The following TAFA5 variants were observed in gnomAD, a reference collection of about 807,000 sequenced individuals.
The protein encoded by TAFA5 is TAFA chemokine like family member 5.
A neutral mutation model predicts 15.3 loss-of-function variants in TAFA5; 6 were observed. The observed-to-expected ratio is 0.39, with a 90% CI of 0.21 to 0.77. The LOEUF is 0.77. Among genes scored for constraint, TAFA5 ranks in the 30% least tolerant of loss-of-function variants. The pLI, the probability that TAFA5 is intolerant of heterozygous loss-of-function variation, is 0.41. For synonymous variants in TAFA5, 103 were observed against 80.7 expected, an observed-to-expected ratio of 1.28 and a Z score of -1.48; for missense variants, 161 against 193.1, an observed-to-expected ratio of 0.83 and a Z score of 0.98.
chr22:48,520,054 C>G (rs1921548848), intron 1 of TAFA5, among the ~76,000 whole-genome samples: 1 of 152,234 alleles, frequency 6.6e-6, no homozygotes, highest in Non-Finnish European at 1.5e-5. Context: ...TGAGACCACC[C>G]AGAGGAAGAC....
chr22:48,661,528 A>ATT (rs1299219902), intron 2 of TAFA5, among the ~76,000 whole-genome samples: 1 of 152,212 alleles, frequency 6.6e-6, no homozygotes, highest in Admixed American at 6.5e-5. Flanking sequence ...GTAGTCAGAC[A>ATT]TTCTGCTCAT....
At chr22:48,516,227 TTGATCA>T (rs1921401707) in intron 1 of TAFA5, among the ~76,000 whole-genome samples, 1 of 152,160 alleles carries the variant, frequency 6.6e-6, no homozygotes, top group Admixed American at 6.5e-5. Context: ...TACGTTTAAG[TTGATCA>T]GAATTAGGTG....
At chr22:48,695,723 G>T (rs1374444571) in intron 2 of TAFA5, among the ~76,000 whole-genome samples, 2 of 152,186 alleles carry the variant, frequency 1.3e-5, no homozygotes, top group Non-Finnish European at 2.9e-5. Context: ...ACCTGGCCAG[G>T]GTGTGGGCAG....
intron 1 of TAFA5, among the ~76,000 whole-genome samples, chr22:48,507,890 C>A (rs1921058743): frequency 6.6e-6 from 1 of 152,142 alleles, no homozygotes; most frequent in African/African-American, 2.4e-5. Flanking sequence ...TTTGGGCATC[C>A]CCAGCACGAG....
chr22:48,671,174 G>T (rs1156602050), intron 2 of TAFA5, among the ~76,000 whole-genome samples: 1 of 152,170 alleles, frequency 6.6e-6, no homozygotes, highest in Non-Finnish European at 1.5e-5. Context: ...TTAGCTTCCG[G>T]CTGAGTTCTC....
At chr22:48,575,367 C>T (rs1161878017) in intron 1 of TAFA5, among the ~76,000 whole-genome samples, 1 of 149,730 alleles carries the variant, frequency 6.7e-6, no homozygotes, top group Admixed American at 6.6e-5. Flanking sequence ...GCATCCGCGG[C>T]TCCGCGGCCG....
intron 1 of TAFA5, among the ~76,000 whole-genome samples, chr22:48,542,411 CGT>C (rs1922448676): frequency 2.4e-5 from 1 of 41,514 alleles, no homozygotes; most frequent in Non-Finnish European, 4.4e-5. Flanking sequence ...GCGTGTGTGG[CGT>C]GTGTGGTGTG....
At chr22:48,616,760 A>T (rs181869273) in intron 1 of TAFA5, among the ~76,000 whole-genome samples, 4 of 152,182 alleles carry the variant, frequency 2.6e-5, no homozygotes, top group African/African-American at 9.7e-5. Flanking sequence ...AGATGGTGGG[A>T]ATAGGGAACA....
chr22:48,516,668 T>A (rs133500), intron 1 of TAFA5, among the ~76,000 whole-genome samples: 1 of 152,320 alleles, frequency 6.6e-6, no homozygotes, highest in Non-Finnish European at 1.5e-5. Flanking sequence ...TGGGCTCGGG[T>A]CATGTGGCTC....
intron 1 of TAFA5, among the ~76,000 whole-genome samples, chr22:48,526,674 C>T (rs1301390300): frequency 2.0e-5 from 3 of 152,320 alleles, no homozygotes; most frequent in African/African-American, 4.8e-5. Context: ...ATGTCGATCA[C>T]GCTGCCATTA....
At chr22:48,595,022 G>A (rs1924713298) in intron 1 of TAFA5, among the ~76,000 whole-genome samples, 1 of 152,186 alleles carries the variant, frequency 6.6e-6, no homozygotes, top group African/African-American at 2.4e-5. Flanking sequence ...TAGAGCCCCA[G>A]CCAGGGTGGT....
At chr22:48,541,105 G>A (rs133471) in intron 1 of TAFA5, among the ~76,000 whole-genome samples, 2 of 152,008 alleles carry the variant, frequency 1.3e-5, no homozygotes, top group Non-Finnish European at 2.9e-5. Context: ...GCCACTGAAC[G>A]GCAGCACTTC....
chr22:48,690,245 A>G (rs1309815098), intron 2 of TAFA5, among the ~76,000 whole-genome samples: 2 of 152,152 alleles, frequency 1.3e-5, no homozygotes, highest in Non-Finnish European at 1.5e-5. Flanking sequence ...TTGTGTTCAC[A>G]CAATGACCCC....
At chr22:48,671,679 C>T (rs1927808562) in intron 2 of TAFA5, among the ~76,000 whole-genome samples, 1 of 152,148 alleles carries the variant, frequency 6.6e-6, no homozygotes, top group East Asian at 1.9e-4. Flanking sequence ...CTCCCAGGGC[C>T]TAATGAGACC....
chr22:48,645,297 G>A (rs1926823662), intron 1 of TAFA5, among the ~76,000 whole-genome samples: 1 of 152,158 alleles, frequency 6.6e-6, no homozygotes, highest in Non-Finnish European at 1.5e-5. Context: ...TTATTTGTCA[G>A]TGTTAATATT....
chr22:48,632,604 AC>A (rs1447144910), intron 1 of TAFA5, among the ~76,000 whole-genome samples: 2 of 152,084 alleles, frequency 1.3e-5, no homozygotes, highest in Non-Finnish European at 2.9e-5. Flanking sequence ...GGCTGTGAGC[AC>A]CCTGGGTGTT....
intron 1 of TAFA5, among the ~76,000 whole-genome samples, chr22:48,555,967 T>C (rs1171807772): frequency 3.3e-5 from 5 of 152,190 alleles, no homozygotes; most frequent in Admixed American, 3.3e-4. Flanking sequence ...CCTCTTCTTG[T>C]TCTAGCTCCC....
At chr22:48,700,754 C>T (rs2147245908) in intron 2 of TAFA5, among the ~76,000 whole-genome samples, 1 of 152,324 alleles carries the variant, frequency 6.6e-6, no homozygotes, top group South Asian at 2.1e-4. Context: ...CACAGGTTCT[C>T]AGGACACTCA....
At chr22:48,534,312 C>T (rs988108889) in intron 1 of TAFA5, among the ~76,000 whole-genome samples, 1 of 150,796 alleles carries the variant, frequency 6.6e-6, no homozygotes, top group African/African-American at 2.4e-5. Flanking sequence ...GGGAGTCAGG[C>T]AGATGAGGGC....
Sources: gnomAD v4.1 joint callset for allele counts (sites outside exome capture counted in the v4.1 genomes callset) on GRCh38, gnomAD v4.1.1 for gene constraint, MANE v1.5 for transcripts, NCBI Gene and HGNC (gene_info 2026-07-23, HGNC 2026-07-21) for gene names.